PCDHA12: variants seen among roughly 807,000 people sequenced by gnomAD.
The protein encoded by PCDHA12 is protocadherin alpha-12.
Under a neutral mutation model 60.0 loss-of-function variants are expected in PCDHA12, and 44 were observed. The observed-to-expected ratio is 0.73, with a 90% CI of 0.58 to 0.94. The LOEUF (loss-of-function observed/expected upper bound fraction) is 0.94. PCDHA12 is among the 40% of genes least tolerant of loss of function. The pLI, the probability that PCDHA12 is intolerant of heterozygous loss-of-function variation, is 0.00. For synonymous variants in PCDHA12, 569 were observed against 553.0 expected (o/e 1.03, Z -0.40); for missense variants, 1,276 against 1,239.7 (o/e 1.03, Z -0.44).
chr5:140,902,756 C>A (rs1434955469), intron 1 of PCDHA12, among the ~76,000 whole-genome samples: 1 of 150,258 alleles, frequency 6.7e-6, no homozygotes, highest in Admixed American at 6.6e-5. Flanking sequence ...TTATATCATT[C>A]TTATGTCTTT....
Position 140,875,982 on chromosome 5 carries a change from T to A in PCDHA12, c.510T>A (p.Tyr170Ter), listed in dbSNP as rs782696437. The A allele has an allele frequency of 4.3e-6, 7 of 1,614,008 alleles. No homozygotes were observed. Among genetic ancestry groups the A allele is most frequent in the Non-Finnish European group, 5.9e-6 (7 of 1,179,922 alleles). The change falls in exon 1 of 4, where the codon TAT becomes TAA. Residue 170 changes from tyrosine (Y) to a stop codon, truncating the protein, a stop_gained. Transcript: ENST00000398631. LOFTEE classifies it high-confidence loss of function. ...TCGGCGTAAACTCTCTTTTGACCTA[T>A]GCGTTAAGTCTAAATGAGAATTTTG... is the stretch of plus-strand genomic sequence containing the variant. ...ADIGVNSLLT[Y>*]ALSLNENFEL...
At chr5:140,932,323 C>T (rs1259103502) in intron 1 of PCDHA12, among the ~76,000 whole-genome samples, 1 of 151,814 alleles carries the variant, frequency 6.6e-6, no homozygotes, top group Non-Finnish European at 1.5e-5. Flanking sequence ...ATTAATGTAG[C>T]AAAAATGCAT....
intron 1 of PCDHA12, chr5:140,927,619 C>G: frequency 6.2e-7 from 1 of 1,614,170 alleles, no homozygotes; most frequent in Non-Finnish European, 8.5e-7. Flanking sequence ...CACCAAGGTT[C>G]CAGAGACTGC....
Position 140,885,608 on chromosome 5 carries a change from A to T in PCDHA12, c.2367+7769A>T, listed in dbSNP as rs1163790004. Among the ~76,000 whole-genome samples the T allele has an allele frequency of 2.0e-5, 3 of 152,192 alleles. No homozygotes were observed. In the East Asian group the frequency reaches 5.8e-4, roughly 29 times the overall value. On this transcript the variant is annotated intron_variant, in intron 1 of 3. Coordinates refer to ENST00000398631, the MANE Select transcript of PCDHA12 (RefSeq NM_018903.4). ...TGCATCAAAGATATTAATAATTTTA[A>T]TTATAAAATATGTCACTGGATTGCC...
chr5:140,894,572 T>C (rs2064553478), intron 1 of PCDHA12, among the ~76,000 whole-genome samples: 2 of 152,010 alleles, frequency 1.3e-5, no homozygotes, highest in Admixed American at 6.5e-5. Flanking sequence ...TATTTTCCTT[T>C]TTTTTAATAT....
intron 1 of PCDHA12, among the ~76,000 whole-genome samples, chr5:140,972,578 C>A (rs1554234223): frequency 6.6e-6 from 1 of 151,798 alleles, no homozygotes; most frequent in Non-Finnish European, 1.5e-5. Flanking sequence ...GGCAATAGGG[C>A]AGAATTTCTC....
intron 3 of PCDHA12, among the ~76,000 whole-genome samples, chr5:141,004,893 C>A (rs1339074840): frequency 1.3e-5 from 2 of 152,154 alleles, no homozygotes; most frequent in African/African-American, 4.8e-5. Flanking sequence ...ATTGTGTCAG[C>A]TCTGCCAGGG....
At chr5:140,952,476 G>A (rs1231361903) in intron 1 of PCDHA12, among the ~76,000 whole-genome samples, 1 of 152,148 alleles carries the variant, frequency 6.6e-6, no homozygotes, top group East Asian at 1.9e-4. Context: ...TAAGGAAAGT[G>A]ACATTTGCTC....
intron 1 of PCDHA12, among the ~76,000 whole-genome samples, chr5:140,963,581 G>A (rs2095775682): frequency 6.6e-6 from 1 of 152,210 alleles, no homozygotes; most frequent in Non-Finnish European, 1.5e-5. Flanking sequence ...TTCTCAAAAT[G>A]TAGGATATAG....
chr5:140,955,022 A>G (rs1468442096), intron 1 of PCDHA12, among the ~76,000 whole-genome samples: 2 of 152,182 alleles, frequency 1.3e-5, no homozygotes, highest in Non-Finnish European at 2.9e-5. Flanking sequence ...ACCATTTATT[A>G]AATAGGGAAT....
At chr5:140,991,682 C>G (rs1234700322) in intron 3 of PCDHA12, among the ~76,000 whole-genome samples, 2 of 152,170 alleles carry the variant, frequency 1.3e-5, no homozygotes, top group Non-Finnish European at 2.9e-5. Context: ...TCTGAGTCCT[C>G]TCTAGTAGAG....
intron 3 of PCDHA12, among the ~76,000 whole-genome samples, chr5:140,990,715 A>G (rs927680875): frequency 1.3e-5 from 2 of 152,194 alleles, no homozygotes; most frequent in Non-Finnish European, 2.9e-5. Context: ...GGATAAGAGC[A>G]TCACTAGGTA....
chr5:140,887,835 C>A (rs2061600577), intron 1 of PCDHA12, among the ~76,000 whole-genome samples: 1 of 152,106 alleles, frequency 6.6e-6, no homozygotes, highest in Admixed American at 6.6e-5. Context: ...TTTTGAATAT[C>A]TTTTATTGAC....
At chr5:140,920,638 G>T (rs1245142321) in intron 1 of PCDHA12, among the ~76,000 whole-genome samples, 2 of 152,114 alleles carry the variant, frequency 1.3e-5, no homozygotes, top group African/African-American at 4.8e-5. Flanking sequence ...AAGGTCAAGA[G>T]ATTGAGACCA....
At chr5:140,883,570 G>T (rs1554178743) in intron 1 of PCDHA12, 1 of 1,614,098 alleles carries the variant, frequency 6.2e-7, no homozygotes, top group South Asian at 1.1e-5. Context: ...GCTCGCCTTC[G>T]CTGTGGGCCA....
At chr5:140,999,980 C>G (rs1386394350) in intron 3 of PCDHA12, among the ~76,000 whole-genome samples, 1 of 152,076 alleles carries the variant, frequency 6.6e-6, no homozygotes, top group East Asian at 1.9e-4. Flanking sequence ...GCTCTAGCGG[C>G]CTCTGGGTAG....
intron 1 of PCDHA12, among the ~76,000 whole-genome samples, chr5:140,894,005 G>A (rs1365314012): frequency 6.6e-6 from 1 of 152,072 alleles, no homozygotes; most frequent in Non-Finnish European, 1.5e-5. Context: ...TGTATGGTTG[G>A]TTCAAATTAC....
intron 1 of PCDHA12, among the ~76,000 whole-genome samples, chr5:140,898,839 A>C (rs2066999324): frequency 6.6e-6 from 1 of 152,280 alleles, no homozygotes; most frequent in East Asian, 1.9e-4. Flanking sequence ...ATGTTCTTCC[A>C]TTTCTTTGTA....
rs377441374 is a variant in PCDHA12, at chr5:140,884,065, C to T, written c.2367+6226C>T. The T allele has an allele frequency of 3.7e-6, 6 of 1,613,346 alleles. No individual in the cohort carries two copies. The African/African-American group carries it at 5.3e-5, about 14-fold the overall frequency. ...TGGCGAAGGTGCGCGCGGTGGACGC[C>T]GATTCGGGCTACAATGCGTGGCTTT... is the stretch of plus-strand genomic sequence containing the variant. On this transcript the variant is annotated intron_variant, in intron 1 of 3. Transcript: ENST00000398631.
Sources: allele counts gnomAD v4.1 joint callset (sites outside exome capture counted in the v4.1 genomes callset), GRCh38; gene constraint gnomAD v4.1.1; transcripts MANE v1.5; gene names NCBI Gene and HGNC (gene_info 2026-07-23, HGNC 2026-07-21).